Variants in NHEJ1 observed in about 807,000 individuals in gnomAD.
NHEJ1 encodes the protein non-homologous end-joining factor 1.
Under a neutral mutation model 39.4 loss-of-function variants are expected in NHEJ1, and 22 were observed. The observed-to-expected ratio is 0.56, with a 90% CI of 0.40 to 0.80. The LOEUF is 0.80. NHEJ1 is among the 30% of genes least tolerant of loss of function. The pLI is 0.00. For synonymous variants in NHEJ1, 154 were observed against 135.6 expected (o/e 1.14, Z -0.94); for missense variants, 329 against 357.1 (o/e 0.92, Z 0.63).
At chr2:219,100,681 C>T (rs186134308) in intron 5 of NHEJ1, among the ~76,000 whole-genome samples, 5 of 151,090 alleles carry the variant, frequency 3.3e-5, no homozygotes, top group East Asian at 1.9e-4. Context: ...TGCTTATACA[C>T]GCTGGAAGAG....
chr2:219,147,906 T>C (rs1361705965), intron 3 of NHEJ1, 111 bp from the exon 4 acceptor site: 26 of 1,062,964 alleles, frequency 2.4e-5, no homozygotes, highest in South Asian at 5.5e-5. Flanking sequence ...CAGAAACTTA[T>C]AGTTTCATAG....
chr2:219,153,715 A>G (rs1574746534), intron 3 of NHEJ1, among the ~76,000 whole-genome samples: 5 of 146,962 alleles, frequency 3.4e-5, no homozygotes, highest in Admixed American at 6.8e-5. Flanking sequence ...GGAGAGAGAG[A>G]GAGAGAGCAA....
intron 4 of NHEJ1, 49 bp from the exon 5 acceptor site, chr2:219,146,787 G>A (rs752272552): frequency 1.0e-5 from 14 of 1,392,202 alleles, no homozygotes; most frequent in Admixed American, 1.7e-5. Context: ...TACAGGATGA[G>A]TTTCTTACCT....
At chr2:219,129,840 G>A (rs773859986) in intron 5 of NHEJ1, among the ~76,000 whole-genome samples, 12 of 152,162 alleles carry the variant, frequency 7.9e-5, no homozygotes, top group Non-Finnish European at 1.2e-4. Flanking sequence ...TTCGACAGCC[G>A]CCAGGGCTGC....
At chr2:219,124,308 GA>G (rs1443167804) in intron 5 of NHEJ1, among the ~76,000 whole-genome samples, 1 of 152,216 alleles carries the variant, frequency 6.6e-6, no homozygotes, top group Non-Finnish European at 1.5e-5. Context: ...TCAGTTGAAA[GA>G]ATGAGTGGAA....
chr2:219,143,542 T>C (rs944931448), intron 5 of NHEJ1, among the ~76,000 whole-genome samples: 1 of 152,246 alleles, frequency 6.6e-6, no homozygotes, highest in Non-Finnish European at 1.5e-5. Context: ...TACAGCTATA[T>C]GACCTTAGGC....
At chr2:219,125,217 G>A (rs1949504709) in intron 5 of NHEJ1, among the ~76,000 whole-genome samples, 1 of 151,782 alleles carries the variant, frequency 6.6e-6, no homozygotes, top group Admixed American at 6.6e-5. Flanking sequence ...GAATGGATTA[G>A]AGGACAGAAA....
In NHEJ1 at chr2:219,094,736, C is replaced by T. The variant is rs116743781; in HGVS notation, c.589-16530G>A. 7.0e-3 allele frequency among the ~76,000 whole-genome samples: 1,071 copies of T among 152,170 alleles called. 15 individuals carry two copies. Among genetic ancestry groups the T allele is most frequent in the African/African-American group, 0.025 (1,026 of 41,514 alleles). On this transcript the variant is annotated intron_variant, in intron 5 of 7. Coordinates refer to ENST00000356853, the MANE Select transcript of NHEJ1 (RefSeq NM_024782.3). ...GTTATAGCTGTGGGTGTAGGATTCC[C>T]ACTGAGTGTGCTAACCCCCTATCCT...
intron 5 of NHEJ1, among the ~76,000 whole-genome samples, chr2:219,134,822 G>T (rs1169391291): frequency 1.3e-5 from 2 of 151,308 alleles, no homozygotes; most frequent in African/African-American, 4.9e-5. Context: ...GGTGGATCAC[G>T]AGGTCAGGAG....
chr2:219,157,756 G>A, intron 2 of NHEJ1, 72 bp from the exon 3 acceptor site: 1 of 1,267,256 alleles, frequency 7.9e-7, no homozygotes, highest in African/African-American at 1.5e-5. Context: ...AACAGCAAAG[G>A]AAAGCCCTGG....
intron 5 of NHEJ1, among the ~76,000 whole-genome samples, chr2:219,095,821 C>T (rs72951729): frequency 2.0e-5 from 3 of 151,726 alleles, no homozygotes; most frequent in Admixed American, 6.6e-5. Context: ...TAAAAGCTGG[C>T]GAAGCAATAA....
At chr2:219,098,785 T>G (rs952116650) in intron 5 of NHEJ1, among the ~76,000 whole-genome samples, 5 of 152,172 alleles carry the variant, frequency 3.3e-5, no homozygotes, top group African/African-American at 1.2e-4. Context: ...AGTCTGTCTC[T>G]AAAAAAATTT....
At chr2:219,144,035 T>C (rs1949713658) in intron 5 of NHEJ1, among the ~76,000 whole-genome samples, 1 of 152,136 alleles carries the variant, frequency 6.6e-6, no homozygotes. Context: ...ACCCTGTCTC[T>C]ACTAAAACTA....
chr2:219,155,428 A>G (rs1949844331), intron 3 of NHEJ1, among the ~76,000 whole-genome samples: 1 of 151,528 alleles, frequency 6.6e-6, no homozygotes, highest in African/African-American at 2.4e-5. Flanking sequence ...AATTTTATTT[A>G]TTTTTTTAAT....
chr2:219,075,993 C>T lies in NHEJ1; in HGVS notation c.*388G>A. On this transcript the variant is annotated 3_prime_UTR_variant, in exon 8 of 8. Coordinates refer to ENST00000356853, the MANE Select transcript of NHEJ1 (RefSeq NM_024782.3). The stretch of plus-strand genomic sequence containing the variant: ...GCAGGGACTGTGAGTGCTTTTTATT[C>T]CATGCAAAAGAGAGAAGTGGGTCTC... 3.0e-6 allele frequency: 1 copy of T among 336,408 alleles called. No individual in the cohort carries two copies. The highest frequency in any genetic ancestry group is 5.4e-6 in the Non-Finnish European group (1 of 184,014). 20.8% of individuals were successfully genotyped at this position (336,408 alleles called of 1,614,324 possible).
chr2:219,126,327 G>C (rs759705748), intron 5 of NHEJ1, among the ~76,000 whole-genome samples: 1 of 152,186 alleles, frequency 6.6e-6, no homozygotes, highest in Non-Finnish European at 1.5e-5. Flanking sequence ...TGTGCAACTC[G>C]AGGCCGTTCA....
intron 5 of NHEJ1, among the ~76,000 whole-genome samples, chr2:219,108,855 A>G (rs1949337720): frequency 6.6e-6 from 1 of 152,216 alleles, no homozygotes; most frequent in South Asian, 2.1e-4. Flanking sequence ...GTTAATGGCA[A>G]AAAGACTCAG....
At chr2:219,084,994 C>T (rs903806813) in intron 5 of NHEJ1, among the ~76,000 whole-genome samples, 2 of 152,232 alleles carry the variant, frequency 1.3e-5, no homozygotes, top group Non-Finnish European at 2.9e-5. Context: ...AACTCTCTCA[C>T]CACCATTTCC....
At chr2:219,139,657 TGGTTTTTTGG>T (rs1328560078) in intron 5 of NHEJ1, among the ~76,000 whole-genome samples, 1 of 152,148 alleles carries the variant, frequency 6.6e-6, no homozygotes. Context: ...AATGTGTTTT[TGGTTTTTTGG>T]GGTTTTTTGT....
Sources: allele counts gnomAD v4.1 joint callset (sites outside exome capture counted in the v4.1 genomes callset), GRCh38; gene constraint gnomAD v4.1.1; transcripts MANE v1.5; gene names NCBI Gene and HGNC (gene_info 2026-07-23, HGNC 2026-07-21).